Variants in RBMS3 observed in about 807,000 individuals in gnomAD.
RBMS3 encodes RNA-binding motif, single-stranded-interacting protein 3.
A neutral mutation model predicts 66.8 loss-of-function variants in RBMS3; 27 were observed. The observed-to-expected ratio is 0.40, with a 90% CI of 0.30 to 0.56. RBMS3 has a LOEUF of 0.56. Ranked by LOEUF, RBMS3 falls within the 20% of genes least tolerant of loss-of-function variation. The pLI is 0.40. For missense variants in RBMS3, 513 were observed against 549.5 expected, an observed-to-expected ratio of 0.93 and a Z score of 0.66; for synonymous variants, 188 against 183.0, an observed-to-expected ratio of 1.03 and a Z score of -0.22.
intron 1 of RBMS3, among the ~76,000 whole-genome samples, chr3:29,310,436 T>C (rs1014394502): frequency 6.6e-6 from 1 of 151,688 alleles, no homozygotes. Context: ...GGGAATTACA[T>C]GTATGGTAGA....
rs544611276 is a variant in RBMS3 at position 29,433,202 on chromosome 3, A to G, written c.76-1541A>G. On this transcript the variant is annotated intron_variant, in intron 1 of 14. Coordinates refer to ENST00000383767, the MANE Select transcript of RBMS3 (RefSeq NM_001003793.3). ...ATTCCTTACCTTTATGCCATGGCAC[A>G]AAATGTATTATAGTTTGACCTCATC... Among the ~76,000 whole-genome samples, 14 of 152,282 alleles carry G rather than the reference A, an allele frequency of 9.2e-5. No individual in the cohort carries two copies. In the South Asian group the frequency reaches 2.3e-3, roughly 25 times the overall value.
chr3:29,920,620 T>G (rs1236232153), intron 10 of RBMS3, among the ~76,000 whole-genome samples: 1 of 152,168 alleles, frequency 6.6e-6, no homozygotes, highest in Non-Finnish European at 1.5e-5. Context: ...TTTTTAACTT[T>G]GACAACTAAT....
intron 14 of RBMS3, among the ~76,000 whole-genome samples, chr3:29,994,300 T>C (rs995545106): frequency 1.3e-5 from 2 of 152,178 alleles, no homozygotes; most frequent in Non-Finnish European, 2.9e-5. Flanking sequence ...GTCTCGCTGA[T>C]TGCTAGCACA....
intron 14 of RBMS3, chr3:29,991,552 A>G: frequency 4.2e-6 from 1 of 235,324 alleles, no homozygotes. Flanking sequence ...AATTTCAAGA[A>G]TAGTAAAGAG....
At chr3:29,505,511 T>TG (rs1472530075) in intron 3 of RBMS3, among the ~76,000 whole-genome samples, 1 of 117,362 alleles carries the variant, frequency 8.5e-6, no homozygotes, top group African/African-American at 3.4e-5. Context: ...ATTTTGTTTT[T>TG]TTTTTTTGTT....
chr3:29,531,056 A>G (rs2045335010), intron 3 of RBMS3, among the ~76,000 whole-genome samples: 1 of 152,184 alleles, frequency 6.6e-6, no homozygotes, highest in Non-Finnish European at 1.5e-5. Flanking sequence ...GTTAAATGTG[A>G]GAGTTTAACA....
In RBMS3 at chr3:29,805,351, T is replaced by A. The variant is rs1363522752; in HGVS notation, c.637+42362T>A. On this transcript the variant is annotated intron_variant, in intron 6 of 14. Transcript: ENST00000383767. ...GATAATAAATGACTGCATTAATGGT[T>A]TATATATTTTCTATACTATACTTTT... 7.2e-5 allele frequency among the ~76,000 whole-genome samples: 11 copies of A among 152,110 alleles called. 1 individual carries two copies. The highest frequency in any genetic ancestry group is 5.9e-4 in the Admixed American group (9 of 15,252).
intron 4 of RBMS3, among the ~76,000 whole-genome samples, chr3:29,630,426 G>C (rs2049241624): frequency 6.6e-6 from 1 of 151,814 alleles, no homozygotes; most frequent in Admixed American, 6.6e-5. Flanking sequence ...GGAAGAATTG[G>C]GGACCAACTC....
At chr3:29,992,141 G>A (rs987825309) in intron 14 of RBMS3, among the ~76,000 whole-genome samples, 6 of 151,944 alleles carry the variant, frequency 3.9e-5, no homozygotes, top group African/African-American at 9.7e-5. Context: ...AGAATCCCCC[G>A]ACAATCCTGC....
intron 6 of RBMS3, among the ~76,000 whole-genome samples, chr3:29,799,567 A>G (rs2057324337): frequency 6.6e-6 from 1 of 152,170 alleles, no homozygotes; most frequent in African/African-American, 2.4e-5. Flanking sequence ...CACTGCATTA[A>G]TTTTTCAAAG....
chr3:29,873,877 G>T (rs1577046880), intron 7 of RBMS3, among the ~76,000 whole-genome samples: 1 of 152,134 alleles, frequency 6.6e-6, no homozygotes, highest in East Asian at 1.9e-4. Flanking sequence ...CTGTTTATGT[G>T]ATTAATTGCA....
chr3:29,748,440 T>C (rs2055024851), intron 5 of RBMS3, among the ~76,000 whole-genome samples: 1 of 152,010 alleles, frequency 6.6e-6, no homozygotes, highest in Non-Finnish European at 1.5e-5. Context: ...TACAGTCCAA[T>C]TAGCAGTAGT....
rs866161367 is a variant in RBMS3, at chr3:29,849,817, C to T, written c.638-19041C>T. On this transcript the variant is annotated intron_variant, in intron 6 of 14. Coordinates refer to ENST00000383767, the MANE Select transcript of RBMS3 (RefSeq NM_001003793.3). Reference sequence around the variant, plus strand: ...CAATGCTGAATGAGAATGCATCTCACCTATGTAACAGAAAATTTCCTTGAT... The same window carrying T: ...CAATGCTGAATGAGAATGCATCTCATCTATGTAACAGAAAATTTCCTTGAT... Among the ~76,000 whole-genome samples, 27 of 152,260 alleles carry T rather than the reference C, an allele frequency of 1.8e-4. 3 individuals are homozygous for T. In the South Asian group the frequency reaches 3.1e-3, roughly 18 times the overall value.
chr3:29,550,601 A>G (rs1196279384), intron 3 of RBMS3, among the ~76,000 whole-genome samples: 1 of 152,156 alleles, frequency 6.6e-6, no homozygotes. Flanking sequence ...AGTGTAATAT[A>G]TAGTATACAG....
chr3:29,462,815 A>G (rs2042414385), intron 2 of RBMS3, among the ~76,000 whole-genome samples: 1 of 152,264 alleles, frequency 6.6e-6, no homozygotes, highest in African/African-American at 2.4e-5. Context: ...CTTAAGAGAC[A>G]AATGACACAA....
At chr3:29,803,008 G>A (rs1375980899) in intron 6 of RBMS3, among the ~76,000 whole-genome samples, 4 of 152,228 alleles carry the variant, frequency 2.6e-5, no homozygotes, top group Admixed American at 6.5e-5. Flanking sequence ...AAAATGGGAC[G>A]AACGGCTTTA....
intron 4 of RBMS3, among the ~76,000 whole-genome samples, chr3:29,701,054 G>A (rs533352503): frequency 4.6e-5 from 7 of 152,142 alleles, no homozygotes; most frequent in South Asian, 2.1e-4. Context: ...TACTCTGCCC[G>A]CCTTGGCCTC....
chr3:29,937,066 AAT>A (rs2061285324), intron 11 of RBMS3, among the ~76,000 whole-genome samples: 1 of 152,086 alleles, frequency 6.6e-6, no homozygotes, highest in Non-Finnish European at 1.5e-5. Flanking sequence ...TAGAAATAAA[AAT>A]ATGTTTTCTT....
intron 4 of RBMS3, among the ~76,000 whole-genome samples, chr3:29,668,345 A>G (rs1175095412): frequency 6.6e-6 from 1 of 152,212 alleles, no homozygotes; most frequent in Non-Finnish European, 1.5e-5. Context: ...TGCTACTCAG[A>G]ACTGCCACCA....
Sources: allele counts gnomAD v4.1 joint callset (sites outside exome capture counted in the v4.1 genomes callset), GRCh38; gene constraint gnomAD v4.1.1; transcripts MANE v1.5; gene names NCBI Gene and HGNC (gene_info 2026-07-23, HGNC 2026-07-21).